UNC80: variants seen among roughly 807,000 people sequenced by gnomAD.
UNC80 encodes the protein unc-80 subunit of NALCN channel complex.
Under a neutral mutation model 384.6 loss-of-function variants are expected in UNC80, and 164 were observed. The observed-to-expected ratio is 0.43, with a 90% CI of 0.38 to 0.49. The LOEUF (loss-of-function observed/expected upper bound fraction) is 0.49, where lower values mean the gene tolerates loss of function less well. UNC80 is among the 20% of genes least tolerant of loss of function. UNC80 has a pLI of 0.00. For missense variants in UNC80, 3,330 were observed against 4,143.0 expected, an observed-to-expected ratio of 0.80 and a Z score of 5.39; for synonymous variants, 1,486 against 1,527.8, an observed-to-expected ratio of 0.97 and a Z score of 0.64.
At chr2:209,898,276 T>A (rs1004830328) in intron 28 of UNC80, among the ~76,000 whole-genome samples, 2 of 152,094 alleles carry the variant, frequency 1.3e-5, no homozygotes, top group Non-Finnish European at 2.9e-5. Context: ...TTGTTTTTGT[T>A]TTTTTCTTAA....
At chr2:209,833,456 G>T (rs940522012) in intron 16 of UNC80, among the ~76,000 whole-genome samples, 4 of 152,110 alleles carry the variant, frequency 2.6e-5, no homozygotes, top group African/African-American at 9.7e-5. Flanking sequence ...TCGAGTTCAT[G>T]TTCAAATGGG....
chr2:209,957,053 G>A (rs59268468), intron 48 of UNC80, among the ~76,000 whole-genome samples: 10,200 of 152,158 alleles, frequency 0.067, 783 homozygotes, highest in African/African-American at 0.18. Flanking sequence ...CCTATTATTT[G>A]AAGTAAATCT....
At chr2:209,903,555 A>ATATATAC (rs1296879099) in intron 28 of UNC80, among the ~76,000 whole-genome samples, 832 of 3,052 alleles carry the variant, frequency 0.27, 313 homozygotes, top group South Asian at 0.42. Context: ...TATATGTAAT[A>ATATATAC]TATATATACT....
chr2:209,782,707 A>C (rs1256909817), intron 4 of UNC80, among the ~76,000 whole-genome samples: 1 of 152,142 alleles, frequency 6.6e-6, no homozygotes, highest in Non-Finnish European at 1.5e-5. Context: ...ACAGTGTATT[A>C]TTCAATGCAT....
intron 47 of UNC80, among the ~76,000 whole-genome samples, chr2:209,953,558 T>C (rs1352328965): frequency 1.3e-5 from 2 of 152,028 alleles, no homozygotes; most frequent in Non-Finnish European, 2.9e-5. Context: ...CAATACTAAA[T>C]TGAGTGTGGG....
At chr2:209,968,294 A>G (rs899871592) in intron 52 of UNC80, 1 of 152,224 alleles carries the variant, frequency 6.6e-6, no homozygotes, top group Admixed American at 6.5e-5. Context: ...GATAGTGAGC[A>G]GATAGTTCAA....
Position 209,976,167 on chromosome 2 carries a change from G to A in UNC80, c.8636G>A (p.Trp2879Ter). The change falls in exon 57 of 65, where the codon TGG becomes TAG. Residue 2879 changes from tryptophan (W) to a stop codon, truncating the protein, a stop_gained. Coordinates refer to ENST00000673920, the MANE Select transcript of UNC80 (RefSeq NM_001371986.1). LOFTEE classifies it high-confidence loss of function. This position sits in a 1 kb window ranked among gnomAD's most constrained non-coding sequence, Gnocchi z 4.3. ...TTTGAGAGGCAGCTCGGAAGCCAGTGGTACTGGCTGAGCCTCCAGGTGAAG... is the reference window on the plus strand; with the variant it reads ...TTTGAGAGGCAGCTCGGAAGCCAGTAGTACTGGCTGAGCCTCCAGGTGAAG... ...VCFERQLGSQ[W>*]YWLSLQVKEM... 3.2e-6 allele frequency: 5 copies of A among 1,551,658 alleles called. No individual in the cohort carries two copies. Among genetic ancestry groups the A allele is most frequent in the Non-Finnish European group, 4.4e-6 (5 of 1,146,982 alleles).
chr2:209,940,803 C>T (rs1239761557), intron 43 of UNC80, among the ~76,000 whole-genome samples: 3 of 152,008 alleles, frequency 2.0e-5, no homozygotes, highest in South Asian at 2.1e-4. Flanking sequence ...AACGACAGAG[C>T]GAGACTCCAT....
At chr2:209,832,661 G>A (rs1162552643) in intron 16 of UNC80, among the ~76,000 whole-genome samples, 2 of 152,192 alleles carry the variant, frequency 1.3e-5, no homozygotes, top group African/African-American at 4.8e-5. Flanking sequence ...GAGCTTGAGT[G>A]TAGCACAGGT....
At chr2:209,935,428 C>G (rs975642237) in intron 39 of UNC80, among the ~76,000 whole-genome samples, 1 of 152,014 alleles carries the variant, frequency 6.6e-6, no homozygotes, top group East Asian at 1.9e-4. Context: ...TTGAGACCAG[C>G]TTGGACAACA....
Position 209,888,176 on chromosome 2 carries a change from C to T in UNC80, c.4192C>T (p.Leu1398=), listed in dbSNP as rs1003886839. The change falls in exon 26 of 65, where the codon CTG becomes TTG. Residue 1398 remains leucine, a synonymous_variant. Transcript: ENST00000673920. The part of the protein sequence containing the change: ...YERKISFAGV[L]DENEDSKDSL... ...GAGGAAGATCAGCTTTGCTGGGGTCCTGGACGAAAATGAAGACTCAAAAGA... is the reference window on the plus strand; with the variant it reads ...GAGGAAGATCAGCTTTGCTGGGGTCTTGGACGAAAATGAAGACTCAAAAGA... The T allele has an allele frequency of 6.4e-6, 10 of 1,551,512 alleles. No homozygotes were observed. In the African/African-American group the frequency reaches 1.4e-4, roughly 21 times the overall value.
At position 209,839,576 on chromosome 2, in the gene UNC80, T is replaced by C; in HGVS notation, c.3250+146T>C. 1.2e-6 allele frequency: 1 copy of C among 860,590 alleles called. No individual in the cohort carries two copies. Among genetic ancestry groups the C allele is most frequent in the Non-Finnish European group, 1.8e-6 (1 of 562,664 alleles). The allele number at this position is 860,590 out of a possible 1,614,324, so 53.3% of individuals were successfully genotyped here. A position where few individuals can be genotyped will look rare whatever the true frequency, so the allele number is the denominator to read the frequency against. On this transcript the variant is annotated intron_variant, in intron 19 of 64. Transcript: ENST00000673920. This position sits in a 1 kb window ranked among gnomAD's most constrained non-coding sequence, Gnocchi z 4.1. Reference sequence around the variant, plus strand: ...CTTCATTCATTCATTCATTTAATTTTTCCCACAGTATTTTTCAATACCCTA... The same window carrying C: ...CTTCATTCATTCATTCATTTAATTTCTCCCACAGTATTTTTCAATACCCTA...
rs146565598 is a variant in UNC80, at chr2:209,793,793, G to A, written c.872G>A (p.Arg291Gln). 7 of 1,614,098 alleles carry A rather than the reference G, an allele frequency of 4.3e-6. No individual in the cohort carries two copies. The highest frequency in any genetic ancestry group is 1.3e-5 in the African/African-American group (1 of 75,032). ...AAGGCCACCATTTCAGGCTGTCACCGAGGAAACTCCTTTGATGGAAGTCTG... is the reference window on the plus strand; with the variant it reads ...AAGGCCACCATTTCAGGCTGTCACCAAGGAAACTCCTTTGATGGAAGTCTG... ...SPKATISGCH[R>Q]GNSFDGSLSS... The change falls in exon 7 of 65, where the codon CGA becomes CAA. Residue 291 changes from arginine (R) to glutamine (Q), a missense_variant. By Grantham distance (43) the Arg-to-Gln change is conservative (BLOSUM62 1). Coordinates refer to ENST00000673920, the MANE Select transcript of UNC80 (RefSeq NM_001371986.1).
intron 51 of UNC80, among the ~76,000 whole-genome samples, chr2:209,965,171 C>T (rs945410037): frequency 1.3e-5 from 2 of 151,980 alleles, no homozygotes; most frequent in Non-Finnish European, 2.9e-5. Context: ...TACAGTGGCT[C>T]ACACCTGTAA....
rs2093475106 is a variant in UNC80 at position 209,995,800 on chromosome 2, G to T, written c.*205G>T. ...AGTCAATGGCTAAAAGGATTTAGTT[G>T]TGTGAAAATCACAAAACCAGGGAGG... On this transcript the variant is annotated 3_prime_UTR_variant, in exon 65 of 65. Transcript: ENST00000673920. 1.7e-6 allele frequency: 1 copy of T among 575,470 alleles called. No homozygotes were observed. Among genetic ancestry groups the T allele is most frequent in the African/African-American group, 1.9e-5 (1 of 53,300 alleles). The allele number at this position is 575,470 out of a possible 1,614,324, so 35.6% of individuals were successfully genotyped here.
intron 25 of UNC80, 133 bp downstream of exon 25, chr2:209,881,227 G>A (rs1029497369): frequency 3.1e-5 from 32 of 1,016,482 alleles, no homozygotes; most frequent in Middle Eastern, 3.1e-4. Context: ...TTCAACCAAG[G>A]GATTTTGAAA....
rs1388985165 is a variant in UNC80 at position 209,926,698 on chromosome 2, C to T, written c.5663-145C>T. The T allele has an allele frequency of 1.0e-5, 10 of 963,144 alleles. No homozygotes were observed. In the Admixed American group the frequency reaches 2.5e-4, roughly 24 times the overall value. 59.7% of individuals were successfully genotyped at this position (963,144 alleles called of 1,614,324 possible). A position where few individuals can be genotyped will look rare whatever the true frequency, so the allele number is the denominator to read the frequency against. ...GGCTGAGACAGGAGGATCTCTTGAG[C>T]CCAAGAAGTCGAGGCTGCAGTGAGC... On this transcript the variant is annotated intron_variant, in intron 35 of 64. Transcript: ENST00000673920.
At position 209,913,849 on chromosome 2, in the gene UNC80, A is replaced by G. The variant is rs1559319261; in HGVS notation, c.4938A>G (p.Ala1646=). Reference sequence around the variant, plus strand: ...CCTTATCTCTGTTAATCAAGGCAGCACCAATTCTGACAGAGGAGATGTACG... The same window carrying G: ...CCTTATCTCTGTTAATCAAGGCAGCGCCAATTCTGACAGAGGAGATGTACG... ...PAPLSLLIKA[A]PILTEEMYGD... is the part of the protein sequence containing the mutation. Residue 1646 remains alanine, a synonymous_variant, in exon 31 of 65, where the codon GCA becomes GCG. Transcript: ENST00000673920. 4 of 1,551,378 alleles carry G rather than the reference A, an allele frequency of 2.6e-6. No homozygotes were observed. Among genetic ancestry groups the G allele is most frequent in the African/African-American group, 2.7e-5 (2 of 73,054 alleles).
chr2:209,974,167 A>C lies in UNC80; in HGVS notation c.8587+897A>C, dbSNP rs111712330. On this transcript the variant is annotated intron_variant, in intron 56 of 64. Transcript: ENST00000673920. The stretch of plus-strand genomic sequence containing the variant: ...GATATTGGTGAGAAGTATAAGATGA[A>C]CACAAACACACTGATGAAAATGAGT... Among the ~76,000 whole-genome samples, 491 of 152,324 alleles carry C rather than the reference A, an allele frequency of 3.2e-3. 4 individuals are homozygous for C. The highest frequency in any genetic ancestry group is 0.011 in the African/African-American group (461 of 41,572).
Sources: gnomAD v4.1 joint callset for allele counts (sites outside exome capture counted in the v4.1 genomes callset) on GRCh38, gnomAD v4.1.1 for gene constraint, Gnocchi (gnomAD v3.1) non-coding constraint, MANE v1.5 for transcripts, NCBI Gene and HGNC (gene_info 2026-07-23, HGNC 2026-07-21) for gene names.